Variants in PRIM2 observed in about 807,000 individuals in gnomAD.
PRIM2 encodes DNA primase subunit 2, also known as DNA primase large subunit.
Under a neutral mutation model 67.3 loss-of-function variants are expected in PRIM2, and 39 were observed. The ratio of observed to expected loss-of-function variants is 0.58; its 90% CI spans 0.45 to 0.76. The LOEUF is 0.76. Among genes scored for constraint, PRIM2 ranks in the 30% least tolerant of loss-of-function variants. PRIM2 has a pLI of 0.00. For missense variants in PRIM2, 398 were observed against 598.7 expected, an observed-to-expected ratio of 0.66 and a Z score of 3.50; for synonymous variants, 143 against 198.7, an observed-to-expected ratio of 0.72 and a Z score of 2.36.
At chr6:57,346,323 CT>C (rs112400346) in intron 5 of PRIM2, among the ~76,000 whole-genome samples, 22 of 148,312 alleles carry the variant, frequency 1.5e-4, no homozygotes, top group African/African-American at 2.7e-4. Context: ...TAAATGTATA[CT>C]TTTTTTTTTT....
At chr6:57,498,083 C>A in intron 7 of PRIM2, among the ~76,000 whole-genome samples, 1 of 152,072 alleles carries the variant, frequency 6.6e-6, no homozygotes, top group East Asian at 1.9e-4. Context: ...GCCTTGGTCC[C>A]AGTAATAAAA....
chr6:57,244,155 C>T, the PRIM2 span, among the ~76,000 whole-genome samples: 1 of 152,166 alleles, frequency 6.6e-6, no homozygotes, highest in East Asian at 1.9e-4. Flanking sequence ...CAATCAGAAA[C>T]CAGCCATATT....
At chr6:57,476,544 A>G (rs1272479562) in intron 7 of PRIM2, among the ~76,000 whole-genome samples, 53 of 152,168 alleles carry the variant, frequency 3.5e-4, no homozygotes, top group Admixed American at 3.3e-3. Flanking sequence ...TTTCCTATTT[A>G]TTAATGTTAT....
chr6:57,245,767 T>C, the PRIM2 span, among the ~76,000 whole-genome samples: 4 of 152,114 alleles, frequency 2.6e-5, no homozygotes, highest in Non-Finnish European at 5.9e-5. Flanking sequence ...GATGTAAAGG[T>C]TCTGATGCCA....
intron 7 of PRIM2, among the ~76,000 whole-genome samples, chr6:57,429,898 C>T (rs12173953): frequency 6.6e-6 from 1 of 152,178 alleles, no homozygotes; most frequent in African/African-American, 2.4e-5. Flanking sequence ...ATCACGGCTT[C>T]AATTTGCAAT....
chr6:57,645,368 C>T (rs1266757798), intron 13 of PRIM2, among the ~76,000 whole-genome samples: 1 of 127,040 alleles, frequency 7.9e-6, no homozygotes, highest in African/African-American at 3.1e-5. Context: ...CACACACACA[C>T]ACATTTGTAT....
intron 7 of PRIM2, among the ~76,000 whole-genome samples, chr6:57,464,295 CG>C (rs1773112396): frequency 1.3e-5 from 2 of 151,764 alleles, no homozygotes; most frequent in Admixed American, 6.6e-5. Flanking sequence ...CTTTTCCCCC[CG>C]AGATGGAGTC....
chr6:57,527,126 A>G (rs1385304289), intron 8 of PRIM2, among the ~76,000 whole-genome samples: 1 of 152,012 alleles, frequency 6.6e-6, no homozygotes, highest in African/African-American at 2.4e-5. Context: ...TGGCAGCATT[A>G]TTTGTTTTTC....
chr6:57,473,010 TG>T (rs1773375611), intron 7 of PRIM2, among the ~76,000 whole-genome samples: 1 of 152,202 alleles, frequency 6.6e-6, no homozygotes, highest in Non-Finnish European at 1.5e-5. Flanking sequence ...AAATCAGAGA[TG>T]TACTGCTATG....
chr6:57,239,725 G>A, the PRIM2 span, among the ~76,000 whole-genome samples: 6 of 152,090 alleles, frequency 3.9e-5, no homozygotes, highest in Non-Finnish European at 5.9e-5. Context: ...CAGCCTGAGC[G>A]ACAGAGCAAA....
rs1394296611 is a variant in PRIM2, at chr6:57,567,701, A to G, written c.1020+30076A>G. Reference sequence around the variant, plus strand: ...CCTTTGCCTTTTCCCCCCGTTTTTCATTACCTACTTGCTAGAGTTATAGAT... The same window carrying G: ...CCTTTGCCTTTTCCCCCCGTTTTTCGTTACCTACTTGCTAGAGTTATAGAT... On this transcript the variant is annotated intron_variant, in intron 10 of 13. Coordinates refer to ENST00000615550, the MANE Select transcript of PRIM2 (RefSeq NM_000947.5). Among the ~76,000 whole-genome samples, 3 of 152,228 alleles carry G rather than the reference A, an allele frequency of 2.0e-5. No individual in the cohort carries two copies. In the East Asian group the frequency reaches 5.8e-4, roughly 29 times the overall value.
At chr6:57,278,868 T>A in the PRIM2 span, among the ~76,000 whole-genome samples, 1,139 of 152,240 alleles carry the variant, frequency 7.5e-3, 13 homozygotes, top group African/African-American at 0.026. Context: ...GACTAGGAGA[T>A]CTTCCCCATC....
At chr6:57,558,429 A>G (rs1775560931) in intron 10 of PRIM2, among the ~76,000 whole-genome samples, 1 of 152,164 alleles carries the variant, frequency 6.6e-6, no homozygotes, top group Non-Finnish European at 1.5e-5. Flanking sequence ...GGATGCATGA[A>G]TATTTTATGA....
the PRIM2 span, among the ~76,000 whole-genome samples, chr6:57,245,721 A>T: frequency 6.6e-6 from 1 of 152,222 alleles, no homozygotes; most frequent in African/African-American, 2.4e-5. Flanking sequence ...ACAATAGCTC[A>T]GTAAGAACAT....
At chr6:57,476,408 G>A (rs1443563733) in intron 7 of PRIM2, among the ~76,000 whole-genome samples, 1 of 152,144 alleles carries the variant, frequency 6.6e-6, no homozygotes, top group Admixed American at 6.5e-5. Flanking sequence ...ACCCTGATAA[G>A]CTTTACATAA....
intron 8 of PRIM2, among the ~76,000 whole-genome samples, chr6:57,520,143 T>A (rs1774581545): frequency 6.6e-6 from 1 of 152,192 alleles, no homozygotes; most frequent in Non-Finnish European, 1.5e-5. Context: ...TTAATAATAA[T>A]CCTCATTAAC....
intron 12 of PRIM2, among the ~76,000 whole-genome samples, chr6:57,607,294 A>G (rs1352526992): frequency 1.3e-5 from 2 of 152,196 alleles, no homozygotes; most frequent in African/African-American, 4.8e-5. Context: ...TACTTTGAGC[A>G]AAGCAGTGTT....
chr6:57,281,491 G>A, the PRIM2 span, among the ~76,000 whole-genome samples: 2 of 152,018 alleles, frequency 1.3e-5, no homozygotes, highest in South Asian at 4.2e-4. Flanking sequence ...TCCCATCACA[G>A]TATCAAAATA....
intron 7 of PRIM2, among the ~76,000 whole-genome samples, chr6:57,395,547 TC>T (rs1010240330): frequency 1.6e-3 from 247 of 152,328 alleles, no homozygotes; most frequent in Non-Finnish European, 2.9e-3. Context: ...TTGGATTTTC[TC>T]CCTTCTTTTC....
Sources: allele counts gnomAD v4.1 joint callset (sites outside exome capture counted in the v4.1 genomes callset), GRCh38; gene constraint gnomAD v4.1.1; transcripts MANE v1.5; gene names NCBI Gene and HGNC (gene_info 2026-07-23, HGNC 2026-07-21).